Variants in PYGB observed in about 807,000 individuals in gnomAD.
The protein encoded by PYGB is glycogen phosphorylase, brain form.
In PYGB, 82 loss-of-function variants were observed where a neutral mutation model predicts 94.3. The ratio of observed to expected loss-of-function variants is 0.87; its 90% confidence interval spans 0.73 to 1.04. The LOEUF (loss-of-function observed/expected upper bound fraction) is 1.04. Among genes scored for constraint, PYGB ranks in the 50% least tolerant of loss-of-function variants. PYGB has a pLI of 0.00. For synonymous variants in PYGB, 488 were observed against 479.1 expected (o/e 1.02, Z -0.24); for missense variants, 1,132 against 1,158.2 (o/e 0.98, Z 0.33).
In PYGB at chr20:25,248,140, TTCC is replaced by T; in HGVS notation, c.-32_-30del. On this transcript the variant is annotated 5_prime_UTR_variant, in exon 1 of 20. Transcript: ENST00000216962. Reference sequence around the variant, plus strand: ...CCCGGCGTTCGCGTGTGCCGCCGCTTTCCTCCTCCATCTCTTTTCCTCCGCCTC... The same window carrying T: ...CCCGGCGTTCGCGTGTGCCGCCGCTTTCCTCCATCTCTTTTCCTCCGCCTC... 1 of 1,542,018 alleles carries T rather than the reference TTCC, an allele frequency of 6.5e-7. No individual in the cohort carries two copies. The highest frequency in any genetic ancestry group is 2.5e-5 in the East Asian group (1 of 40,458).
intron 14 of PYGB, among the ~76,000 whole-genome samples, chr20:25,286,117 G>C (rs1375611373): frequency 1.3e-5 from 2 of 152,240 alleles, no homozygotes; most frequent in African/African-American, 4.8e-5. Flanking sequence ...TGTCATTGCC[G>C]TGTCTTGGTG....
intron 1 of PYGB, among the ~76,000 whole-genome samples, chr20:25,251,649 C>T (rs2092888355): frequency 1.3e-5 from 2 of 152,178 alleles, no homozygotes; most frequent in Admixed American, 1.3e-4. Flanking sequence ...TTATGAGAGT[C>T]ACGGGATCCC....
In PYGB at chr20:25,248,138, CTTTCCTCCTCCATCTCT is replaced by C; in HGVS notation, c.-32_-16del. On this transcript the variant is annotated 5_prime_UTR_variant, in exon 1 of 20. Coordinates refer to ENST00000216962, the MANE Select transcript of PYGB (RefSeq NM_002862.4). ...ATCCCGGCGTTCGCGTGTGCCGCCGCTTTCCTCCTCCATCTCTTTTCCTCCGCCTCCGCCGGCGCGAT... is the reference window on the plus strand; with the variant it reads ...ATCCCGGCGTTCGCGTGTGCCGCCGCTTTCCTCCGCCTCCGCCGGCGCGAT... 3 of 1,543,224 alleles carry C rather than the reference CTTTCCTCCTCCATCTCT, an allele frequency of 1.9e-6. No homozygotes were observed. The highest frequency in any genetic ancestry group is 2.6e-6 in the Non-Finnish European group (3 of 1,146,636).
At position 25,290,751 on chromosome 20, in the gene PYGB, T is replaced by C. The variant is rs1436613197; in HGVS notation, c.1969+129T>C. ...GACACCCAGACCTAGCCAGCCGGGC[T>C]GCAGGCGAGCAGGGAACGGCTTTAG... On this transcript the variant is annotated intron_variant, in intron 16 of 19. Transcript: ENST00000216962. 3 of 1,341,608 alleles carry C rather than the reference T, an allele frequency of 2.2e-6. No individual in the cohort carries two copies. In the African/African-American group the frequency reaches 4.3e-5, roughly 19 times the overall value. The allele number at this position is 1,341,608 out of a possible 1,614,324, so 83.1% of individuals were successfully genotyped here. A position where few individuals can be genotyped will look rare whatever the true frequency, so the allele number is the denominator to read the frequency against.
chr20:25,253,190 C>T (rs1485411684), intron 1 of PYGB, among the ~76,000 whole-genome samples: 1 of 152,262 alleles, frequency 6.6e-6, no homozygotes, highest in African/African-American at 2.4e-5. Context: ...TGCACCAGAG[C>T]TGCAGCTTGC....
intron 4 of PYGB, among the ~76,000 whole-genome samples, chr20:25,274,195 T>G (rs2088290571): frequency 6.6e-6 from 1 of 151,966 alleles, no homozygotes; most frequent in Non-Finnish European, 1.5e-5. Context: ...CCTGACAGCC[T>G]CTCACCCGCT....
chr20:25,280,308 A>G lies in PYGB; in HGVS notation c.1135A>G (p.Thr379Ala). The G allele has an allele frequency of 6.2e-7, 1 of 1,614,144 alleles. No homozygotes were observed. The highest frequency in any genetic ancestry group is 8.5e-7 in the Non-Finnish European group (1 of 1,179,976). ...GAAGACCTGTGCATACACCAACCAC[A>G]CTGTGCTGCCTGAGGCCTTGGAGCG... ...TKKTCAYTNH[T>A]VLPEALERWP... is the part of the protein sequence containing the mutation. Residue 379 changes from threonine (T) to alanine (A), a missense_variant, in exon 10 of 20, where the codon ACT becomes GCT. By Grantham distance (58) the Thr-to-Ala change is moderately conservative. Coordinates refer to ENST00000216962, the MANE Select transcript of PYGB (RefSeq NM_002862.4).
At chr20:25,264,454 G>T (rs1230859865) in intron 2 of PYGB, among the ~76,000 whole-genome samples, 2 of 152,112 alleles carry the variant, frequency 1.3e-5, no homozygotes, top group African/African-American at 4.8e-5. Flanking sequence ...GAAATAAAGG[G>T]TATTCAGTGA....
intron 15 of PYGB, among the ~76,000 whole-genome samples, chr20:25,289,098 G>GAGGTTGCTGGT (rs1288908403): frequency 6.6e-6 from 1 of 152,172 alleles, no homozygotes; most frequent in East Asian, 1.9e-4. Flanking sequence ...GCAAGGCCGG[G>GAGGTTGCTGGT]GCCTGGGGGT....
intron 14 of PYGB, among the ~76,000 whole-genome samples, chr20:25,286,435 G>A (rs1235315430): frequency 2.0e-5 from 3 of 152,096 alleles, no homozygotes; most frequent in Non-Finnish European, 4.4e-5. Flanking sequence ...TTGGCATTTG[G>A]CTCCATGTCT....
intron 6 of PYGB, 33 bp downstream of exon 6, chr20:25,276,790 CAT>C (rs2088315976): frequency 6.3e-7 from 1 of 1,589,484 alleles, no homozygotes; most frequent in East Asian, 2.2e-5. Flanking sequence ...CCCTTGTGTC[CAT>C]GTGGGTGGCT....
intron 16 of PYGB, 150 bp downstream of exon 16, chr20:25,290,772 T>C: frequency 1.7e-6 from 2 of 1,146,194 alleles, no homozygotes; most frequent in Non-Finnish European, 2.5e-6. Flanking sequence ...AGGGAACGGC[T>C]TTAGGGAGTG....
At chr20:25,283,032 G>T in intron 12 of PYGB, 144 bp from the exon 13 acceptor site, 1 of 664,116 alleles carries the variant, frequency 1.5e-6, no homozygotes. Context: ...TGTGGCCTGA[G>T]AGGTGGGATG....
At chr20:25,294,948 T>C (rs1295530488) in intron 18 of PYGB, 1 of 1,614,002 alleles carries the variant, frequency 6.2e-7, no homozygotes, top group South Asian at 1.1e-5. Context: ...TGCTCTTCGA[T>C]GACCGTGTCA....
Position 25,283,080 on chromosome 20 carries a change from AG to A in PYGB, c.1519-92del, listed in dbSNP as rs543726953. On this transcript the variant is annotated intron_variant, in intron 12 of 19. Transcript: ENST00000216962. ...GGACAAGCAGATCCCAGGGGAAAGC[AG>A]GGGCGTGGGCAACAATGGGAGGAGG... 2.5e-4 allele frequency: 256 copies of A among 1,022,210 alleles called. 3 individuals carry two copies. The South Asian group carries it at 3.4e-3, about 14-fold the overall frequency. The allele number at this position is 1,022,210 out of a possible 1,614,324, so 63.3% of individuals were successfully genotyped here. A position where few individuals can be genotyped will look rare whatever the true frequency, so the allele number is the denominator to read the frequency against.
chr20:25,274,693 C>A lies in PYGB; in HGVS notation c.630C>A (p.Thr210=). Residue 210 remains threonine (T), a synonymous_variant, in exon 5 of 20, where the codon ACC becomes ACA. Coordinates refer to ENST00000216962, the MANE Select transcript of PYGB (RefSeq NM_002862.4). ...ACTTCTACGGACGCGTGGAGCACAC[C>A]CCCGACGGCGTGAAGTGGCTGGACA... ...PVHFYGRVEH[T]PDGVKWLDTQ... 6.2e-7 allele frequency: 1 copy of A among 1,613,478 alleles called. No homozygotes were observed. The highest frequency in any genetic ancestry group is 8.5e-7 in the Non-Finnish European group (1 of 1,179,944).
intron 18 of PYGB, 26 bp downstream of exon 18, chr20:25,294,318 G>A: frequency 6.6e-7 from 1 of 1,525,746 alleles, no homozygotes. Flanking sequence ...CTGGTTGGGT[G>A]GCTGGGAGGG....
At chr20:25,276,851 T>A in intron 6 of PYGB, 94 bp downstream of exon 6, 1 of 1,196,094 alleles carries the variant, frequency 8.4e-7, no homozygotes, top group Non-Finnish European at 1.2e-6. Context: ...TGTGGCTCAC[T>A]GTCCTGGAGG....
At chr20:25,274,354 GTCTT>G (rs1453815169) in intron 4 of PYGB, among the ~76,000 whole-genome samples, 1 of 152,208 alleles carries the variant, frequency 6.6e-6, no homozygotes, top group Non-Finnish European at 1.5e-5. Flanking sequence ...GGTTCTTAGT[GTCTT>G]TCTTTTTGGG....
Sources: gnomAD v4.1 joint callset for allele counts (sites outside exome capture counted in the v4.1 genomes callset) on GRCh38, gnomAD v4.1.1 for gene constraint, MANE v1.5 for transcripts, NCBI Gene and HGNC (gene_info 2026-07-23, HGNC 2026-07-21) for gene names.